Variants in IDO2 observed in about 807,000 individuals in gnomAD.
IDO2 encodes indoleamine 2,3-dioxygenase-like 1 protein.
In IDO2, 46 loss-of-function variants were observed where a neutral mutation model predicts 45.1. The ratio of observed to expected loss-of-function variants is 1.02; its 90% confidence interval spans 0.80 to 1.30. The LOEUF (loss-of-function observed/expected upper bound fraction) is 1.30. Among genes scored for constraint, IDO2 ranks in the 50% most tolerant of loss-of-function variants. IDO2 has a pLI of 0.00. For synonymous variants in IDO2, 218 were observed against 184.9 expected, an observed-to-expected ratio of 1.18 and a Z score of -1.45; for missense variants, 544 against 491.8, an observed-to-expected ratio of 1.11 and a Z score of -1.00.
chr8:39,988,462 C>T (rs773131150), intron 7 of IDO2, among the ~76,000 whole-genome samples: 8 of 152,184 alleles, frequency 5.3e-5, no homozygotes, highest in Non-Finnish European at 7.4e-5. Context: ...TTTCTGCCTT[C>T]GCTCTGTCGC....
intron 2 of IDO2, among the ~76,000 whole-genome samples, chr8:39,954,837 A>G (rs1415541298): frequency 1.3e-5 from 2 of 151,246 alleles, no homozygotes; most frequent in Non-Finnish European, 2.9e-5. Context: ...TTGTATTTTT[A>G]GTAGAGATAG....
chr8:39,977,321 A>G (rs960643806), intron 3 of IDO2, among the ~76,000 whole-genome samples: 1 of 152,224 alleles, frequency 6.6e-6, no homozygotes, highest in African/African-American at 2.4e-5. Context: ...CGGCTAAGAG[A>G]GTGTCAATAA....
At chr8:39,935,783 G>A (rs1321499632) in intron 1 of IDO2, among the ~76,000 whole-genome samples, 2 of 152,176 alleles carry the variant, frequency 1.3e-5, no homozygotes, top group Non-Finnish European at 2.9e-5. Flanking sequence ...TTTGACAATG[G>A]CACAGTCAAG....
intron 1 of IDO2, among the ~76,000 whole-genome samples, chr8:39,942,341 G>A (rs1259160004): frequency 6.6e-6 from 1 of 152,156 alleles, no homozygotes; most frequent in African/African-American, 2.4e-5. Context: ...GTAGTCCTGA[G>A]TTAACAGTAG....
At chr8:39,996,913 G>T (rs1340407288) in intron 8 of IDO2, among the ~76,000 whole-genome samples, 1 of 152,094 alleles carries the variant, frequency 6.6e-6, no homozygotes, top group Non-Finnish European at 1.5e-5. Flanking sequence ...ACATTAACAG[G>T]CACAATGAAC....
chr8:39,953,602 G>A (rs1042923083), intron 2 of IDO2, among the ~76,000 whole-genome samples: 14 of 151,728 alleles, frequency 9.2e-5, no homozygotes, highest in African/African-American at 2.7e-4. Context: ...CCGCTTTGTC[G>A]CCCAGGCTAG....
intron 9 of IDO2, among the ~76,000 whole-genome samples, chr8:40,010,970 G>C (rs1303876792): frequency 6.6e-6 from 1 of 152,160 alleles, no homozygotes; most frequent in African/African-American, 2.4e-5. Context: ...GGAGTGCAAT[G>C]GCACAATCTC....
chr8:39,939,242 CAAAAAAAA>C, intron 1 of IDO2, among the ~76,000 whole-genome samples: 2 of 117,630 alleles, frequency 1.7e-5, no homozygotes, highest in East Asian at 4.6e-4. Flanking sequence ...GACTCCATCT[CAAAAAAAA>C]AAAAAAAAAA....
At chr8:40,006,240 C>A (rs1172854405) in intron 9 of IDO2, among the ~76,000 whole-genome samples, 1 of 151,282 alleles carries the variant, frequency 6.6e-6, no homozygotes, top group Admixed American at 6.6e-5. Flanking sequence ...ACCCATACAA[C>A]CATTCTGTTT....
intron 7 of IDO2, among the ~76,000 whole-genome samples, chr8:39,988,789 T>C (rs1808461118): frequency 6.6e-6 from 1 of 152,154 alleles, no homozygotes; most frequent in Admixed American, 6.5e-5. Context: ...TTCTGCTATA[T>C]TATAGCGCTT....
At chr8:39,977,476 T>A (rs897501307) in intron 3 of IDO2, among the ~76,000 whole-genome samples, 1 of 152,226 alleles carries the variant, frequency 6.6e-6, no homozygotes, top group Non-Finnish European at 1.5e-5. Flanking sequence ...AAGTTTGAGT[T>A]TGAGACTAAC....
At chr8:39,981,734 A>C (rs1334949071) in intron 4 of IDO2, among the ~76,000 whole-genome samples, 1 of 152,184 alleles carries the variant, frequency 6.6e-6, no homozygotes, top group Admixed American at 6.5e-5. Flanking sequence ...GGGAAAAATG[A>C]AGACAAAAGC....
At chr8:39,981,219 G>A (rs895958017) in intron 4 of IDO2, among the ~76,000 whole-genome samples, 7 of 146,884 alleles carry the variant, frequency 4.8e-5, no homozygotes, top group Admixed American at 2.0e-4. Context: ...CCACCACAAC[G>A]CCTGGCTAAT....
chr8:39,985,462 A>AT (rs756492988), intron 5 of IDO2, 46 bp from the exon 6 acceptor site: 63 of 1,503,120 alleles, frequency 4.2e-5, no homozygotes, highest in South Asian at 7.3e-5. Context: ...TTGTTCTTTT[A>AT]TTTTTTTTCT....
chr8:39,935,725 C>T (rs1030003345), intron 1 of IDO2, among the ~76,000 whole-genome samples: 1 of 152,188 alleles, frequency 6.6e-6, no homozygotes, highest in Admixed American at 6.5e-5. Flanking sequence ...GCTGGGATTA[C>T]AGGCATGAGC....
intron 10 of IDO2, among the ~76,000 whole-genome samples, chr8:40,014,404 AATATCT>A (rs1802355546): frequency 6.6e-6 from 1 of 152,190 alleles, no homozygotes. Context: ...ATTTCCTATA[AATATCT>A]ATTGATTTGA....
chr8:39,960,793 T>A (rs2729491), intron 2 of IDO2, among the ~76,000 whole-genome samples: 28,840 of 152,106 alleles, frequency 0.19, 2,742 homozygotes, highest in East Asian at 0.27. Flanking sequence ...ATTAATTTAT[T>A]TTTTTTTGAG....
chr8:40,007,540 G>T (rs1037627803), intron 9 of IDO2, among the ~76,000 whole-genome samples: 1 of 152,112 alleles, frequency 6.6e-6, no homozygotes, highest in Non-Finnish European at 1.5e-5. Context: ...GTATACCTTT[G>T]ATAGGATTAG....
At chr8:39,946,654 C>T (rs915265348) in intron 1 of IDO2, among the ~76,000 whole-genome samples, 3 of 152,036 alleles carry the variant, frequency 2.0e-5, no homozygotes, top group Non-Finnish European at 4.4e-5. Context: ...AATGAATGCT[C>T]CCGGAGACTG....
Sources: allele counts gnomAD v4.1 joint callset (sites outside exome capture counted in the v4.1 genomes callset), GRCh38; gene constraint gnomAD v4.1.1; transcripts MANE v1.5; gene names NCBI Gene and HGNC (gene_info 2026-07-23, HGNC 2026-07-21).